FRMD6: variants seen among roughly 807,000 people sequenced by gnomAD.
The protein encoded by FRMD6 is FERM domain-containing protein 6.
Under a neutral mutation model 73.2 loss-of-function variants are expected in FRMD6, and 37 were observed. The ratio of observed to expected loss-of-function variants is 0.51; its 90% CI spans 0.39 to 0.66. The LOEUF is 0.66. Ranked by LOEUF, FRMD6 falls within the 30% of genes least tolerant of loss-of-function variation. FRMD6 has a pLI of 0.00. For missense variants in FRMD6, 714 were observed against 780.5 expected (o/e 0.91, Z 1.02); for synonymous variants, 273 against 282.2 (o/e 0.97, Z 0.33).
chr14:51,490,167 G>A (rs1427343762), intron 1 of FRMD6, among the ~76,000 whole-genome samples: 1 of 152,200 alleles, frequency 6.6e-6, no homozygotes, highest in Admixed American at 6.5e-5. Context: ...AGAAGGAAGT[G>A]ATAAAGGGAA....
intron 9 of FRMD6, among the ~76,000 whole-genome samples, chr14:51,713,133 A>G (rs1268290274): frequency 2.6e-5 from 4 of 152,116 alleles, no homozygotes; most frequent in African/African-American, 7.2e-5. Context: ...AAAGAATTAT[A>G]GTTAATAATG....
At chr14:51,560,645 C>T (rs1458728296) in intron 1 of FRMD6, among the ~76,000 whole-genome samples, 4 of 152,112 alleles carry the variant, frequency 2.6e-5, no homozygotes, top group South Asian at 2.1e-4. Context: ...CCACCATACC[C>T]GGCTAATTTT....
the FRMD6 span, among the ~76,000 whole-genome samples, chr14:51,425,705 T>C: frequency 2.0e-5 from 3 of 152,200 alleles, no homozygotes; most frequent in Non-Finnish European, 2.9e-5. Flanking sequence ...ATCAGCAGAA[T>C]GTTGCCTGCA....
the FRMD6 span, among the ~76,000 whole-genome samples, chr14:51,413,504 G>T: frequency 1.3e-5 from 2 of 152,094 alleles, no homozygotes; most frequent in Non-Finnish European, 2.9e-5. Flanking sequence ...CTTTTTTATG[G>T]CTGCATAGTA....
chr14:51,708,088 A>G lies in FRMD6; in HGVS notation c.569A>G (p.Lys190Arg), dbSNP rs1459440409. The change falls in exon 7 of 14, where the codon AAG (lysine) becomes AGG (arginine). Residue 190 changes from lysine (K) to arginine (R), a missense_variant. Transcript: ENST00000344768. Reference sequence around the variant, plus strand: ...CTTGTATCCCAACAGGTTGTTTCCAAGAGGGGGAAGGACTACATCCTGAAG... The same window carrying G: ...CTTGTATCCCAACAGGTTGTTTCCAGGAGGGGGAAGGACTACATCCTGAAG... Reference protein sequence around the residue: ...EAYFPSWVVSKRGKDYILKHI... With the variant: ...EAYFPSWVVSRRGKDYILKHI... 2 of 1,613,102 alleles carry G rather than the reference A, an allele frequency of 1.2e-6. No homozygotes were observed. The highest frequency in any genetic ancestry group is 1.7e-6 in the Non-Finnish European group (2 of 1,179,364).
At chr14:51,591,622 G>C (rs939491523) in intron 2 of FRMD6, among the ~76,000 whole-genome samples, 1 of 151,908 alleles carries the variant, frequency 6.6e-6, no homozygotes, top group African/African-American at 2.4e-5. Flanking sequence ...AGCTCACTGC[G>C]ACCTCTGCCT....
chr14:51,441,684 C>T, the FRMD6 span, among the ~76,000 whole-genome samples: 44 of 152,066 alleles, frequency 2.9e-4, no homozygotes, highest in Non-Finnish European at 6.0e-4. Flanking sequence ...TAAACCCATG[C>T]GTGTAGAGTT....
intron 6 of FRMD6, among the ~76,000 whole-genome samples, chr14:51,707,447 A>G (rs1026193979): frequency 2.0e-5 from 3 of 152,180 alleles, no homozygotes; most frequent in African/African-American, 4.8e-5. Flanking sequence ...GCTGGATACT[A>G]TATATTTGAC....
At chr14:51,678,801 A>G (rs1489914805) in intron 1 of FRMD6, among the ~76,000 whole-genome samples, 1 of 122,116 alleles carries the variant, frequency 8.2e-6, no homozygotes, top group Non-Finnish European at 1.6e-5. Context: ...TCCAGGGAGA[A>G]TGAAGATATT....
chr14:51,681,846 C>A (rs1378367612), intron 1 of FRMD6, among the ~76,000 whole-genome samples: 1 of 152,154 alleles, frequency 6.6e-6, no homozygotes, highest in Non-Finnish European at 1.5e-5. Context: ...GCTATGATTA[C>A]ACTGTTTACT....
At chr14:51,698,094 T>G (rs765692816) in intron 2 of FRMD6, 48 bp from the exon 3 acceptor site, 1 of 1,377,978 alleles carries the variant, frequency 7.3e-7, no homozygotes, top group Non-Finnish European at 1.0e-6. Context: ...GCTCCCTGGG[T>G]GGACTTAGTT....
At chr14:51,643,892 T>A (rs556574853) in intron 2 of FRMD6, among the ~76,000 whole-genome samples, 1 of 152,320 alleles carries the variant, frequency 6.6e-6, no homozygotes, top group Admixed American at 6.5e-5. Context: ...CAATAACCAC[T>A]CTAGTAAAAT....
chr14:51,470,044 T>G, the FRMD6 span, among the ~76,000 whole-genome samples: 2 of 152,302 alleles, frequency 1.3e-5, no homozygotes, highest in East Asian at 3.9e-4. Flanking sequence ...CCAAGATTTT[T>G]TATTTAATCT....
At chr14:51,589,064 T>A (rs1484168810) in intron 2 of FRMD6, among the ~76,000 whole-genome samples, 1 of 152,214 alleles carries the variant, frequency 6.6e-6, no homozygotes, top group African/African-American at 2.4e-5. Flanking sequence ...GGGATTCAGA[T>A]GATGGAGAGC....
At chr14:51,639,876 A>C (rs1484251662) in intron 2 of FRMD6, among the ~76,000 whole-genome samples, 1 of 152,186 alleles carries the variant, frequency 6.6e-6, no homozygotes, top group Non-Finnish European at 1.5e-5. Context: ...AAGGAGTAGA[A>C]ATTGGGATGC....
chr14:51,689,470 T>C (rs1475640702), intron 1 of FRMD6, among the ~76,000 whole-genome samples: 1 of 152,186 alleles, frequency 6.6e-6, no homozygotes, highest in Non-Finnish European at 1.5e-5. Flanking sequence ...TCTCATTGGT[T>C]ATAAGTTTAA....
At chr14:51,528,494 C>T (rs923158144) in intron 1 of FRMD6, among the ~76,000 whole-genome samples, 4 of 152,058 alleles carry the variant, frequency 2.6e-5, no homozygotes, top group Non-Finnish European at 4.4e-5. Context: ...ATAATTAAAC[C>T]CTTGCATTCC....
intron 1 of FRMD6, among the ~76,000 whole-genome samples, chr14:51,686,129 G>A (rs980412543): frequency 1.3e-5 from 2 of 151,112 alleles, no homozygotes; most frequent in Admixed American, 6.6e-5. Flanking sequence ...TATGTGGGTA[G>A]GAAACTTCTG....
the FRMD6 span, among the ~76,000 whole-genome samples, chr14:51,474,563 G>A: frequency 3.3e-5 from 5 of 152,176 alleles, no homozygotes; most frequent in Non-Finnish European, 7.3e-5. Context: ...TTGTAGAAAG[G>A]AAGAGGGAGA....
Sources: gnomAD v4.1 joint callset for allele counts (sites outside exome capture counted in the v4.1 genomes callset) on GRCh38, gnomAD v4.1.1 for gene constraint, MANE v1.5 for transcripts, NCBI Gene and HGNC (gene_info 2026-07-23, HGNC 2026-07-21) for gene names.